B4GALT6: variants seen among roughly 807,000 people sequenced by gnomAD.
B4GALT6 encodes the protein beta-1,4-galactosyltransferase 6, also known as UDP-Gal:beta-GlcNAc beta-1,4-galactosyltransferase 6.
A neutral mutation model predicts 46.3 loss-of-function variants in B4GALT6; 14 were observed. That is an observed-to-expected ratio of 0.30 (90% confidence interval 0.20 to 0.47). B4GALT6 has a LOEUF of 0.47. Ranked by LOEUF, B4GALT6 falls within the 20% of genes least tolerant of loss-of-function variation. The pLI is 0.99. For synonymous variants in B4GALT6, 168 were observed against 162.0 expected (o/e 1.04, Z -0.28); for missense variants, 386 against 480.1 (o/e 0.80, Z 1.83).
the B4GALT6 span, among the ~76,000 whole-genome samples, chr18:31,709,231 T>C: frequency 9.9e-4 from 142 of 143,896 alleles, no homozygotes; most frequent in African/African-American, 3.5e-3. Context: ...AATTTATGTA[T>C]TTTTTTTTTA....
At chr18:31,649,967 T>C (rs1054622253) in intron 3 of B4GALT6, among the ~76,000 whole-genome samples, 3 of 152,244 alleles carry the variant, frequency 2.0e-5, no homozygotes, top group Non-Finnish European at 2.9e-5. Flanking sequence ...ATTATGTTCA[T>C]TGCAGCAATA....
At chr18:31,682,469 T>C (rs1479714842) in intron 1 of B4GALT6, among the ~76,000 whole-genome samples, 1 of 152,202 alleles carries the variant, frequency 6.6e-6, no homozygotes, top group Non-Finnish European at 1.5e-5. Context: ...TCTAATTGCC[T>C]ACAAGACACG....
At chr18:31,694,168 A>G in the B4GALT6 span, among the ~76,000 whole-genome samples, 1 of 152,248 alleles carries the variant, frequency 6.6e-6, no homozygotes, top group Non-Finnish European at 1.5e-5. Flanking sequence ...AATATTTACA[A>G]TCACGACCAA....
chr18:31,701,703 G>T, the B4GALT6 span, among the ~76,000 whole-genome samples: 7 of 152,148 alleles, frequency 4.6e-5, no homozygotes, highest in Admixed American at 6.5e-5. Context: ...ATTGTCTCAG[G>T]ATGGGGAAGG....
chr18:31,717,885 C>T, the B4GALT6 span, among the ~76,000 whole-genome samples: 6 of 142,520 alleles, frequency 4.2e-5, no homozygotes, highest in South Asian at 2.2e-4. Flanking sequence ...ACCCGGGAGG[C>T]GGAGGTTGTG....
At chr18:31,628,052 A>AG (rs1239313463) in intron 6 of B4GALT6, among the ~76,000 whole-genome samples, 1 of 152,252 alleles carries the variant, frequency 6.6e-6, no homozygotes, top group Non-Finnish European at 1.5e-5. Flanking sequence ...CATTCTGAGA[A>AG]GGACGTGCTG....
the B4GALT6 span, among the ~76,000 whole-genome samples, chr18:31,699,136 A>G: frequency 6.6e-6 from 1 of 152,072 alleles, no homozygotes; most frequent in Non-Finnish European, 1.5e-5. Flanking sequence ...TTAACGGCTC[A>G]GACTTCTCTA....
chr18:31,659,451 A>G lies in B4GALT6; in HGVS notation c.233-1362T>C, dbSNP rs576101783. Among the ~76,000 whole-genome samples the G allele has an allele frequency of 7.2e-5, 11 of 152,336 alleles. No homozygotes were observed. The East Asian group carries it at 1.9e-3, about 27-fold the overall frequency. ...GCCACCTGCAAGACTGCTGAATGAA[A>G]GAGGCCCTGCCACGGCTGCTAAGCA... On this transcript the variant is annotated intron_variant, in intron 2 of 8. Coordinates refer to ENST00000306851, the MANE Select transcript of B4GALT6 (RefSeq NM_004775.5).
intron 5 of B4GALT6, among the ~76,000 whole-genome samples, chr18:31,634,906 C>T (rs1034345526): frequency 6.6e-6 from 1 of 152,188 alleles, no homozygotes; most frequent in Non-Finnish European, 1.5e-5. Context: ...TGTTTCATCA[C>T]ATACACCAAA....
At chr18:31,672,035 C>A (rs1156564555) in intron 1 of B4GALT6, among the ~76,000 whole-genome samples, 1 of 152,256 alleles carries the variant, frequency 6.6e-6, no homozygotes, top group East Asian at 1.9e-4. Context: ...AGGGACACAT[C>A]TGCTATAAAA....
the B4GALT6 span, among the ~76,000 whole-genome samples, chr18:31,714,437 C>A: frequency 1.4e-4 from 21 of 152,268 alleles, no homozygotes; most frequent in African/African-American, 5.1e-4. Context: ...CCCACCTACT[C>A]CCCTGGGGCC....
intron 2 of B4GALT6, among the ~76,000 whole-genome samples, chr18:31,660,547 A>C (rs1319931609): frequency 6.6e-6 from 1 of 152,016 alleles, no homozygotes; most frequent in Non-Finnish European, 1.5e-5. Flanking sequence ...TGAGGGAGAC[A>C]GTAACAGTAA....
At chr18:31,655,283 TGCCACCATG>T (rs1345429087) in intron 3 of B4GALT6, among the ~76,000 whole-genome samples, 1 of 152,218 alleles carries the variant, frequency 6.6e-6, no homozygotes, top group Non-Finnish European at 1.5e-5. Context: ...CAAATCACCT[TGCCACCATG>T]GCCACCACGG....
intron 6 of B4GALT6, 22 bp from the exon 7 acceptor site, chr18:31,627,143 T>G: frequency 6.4e-7 from 1 of 1,566,934 alleles, no homozygotes; most frequent in Non-Finnish European, 8.6e-7. Context: ...AGACACAGTA[T>G]TCTAAAAATA....
At chr18:31,650,825 G>A (rs1431291675) in intron 3 of B4GALT6, among the ~76,000 whole-genome samples, 1 of 152,182 alleles carries the variant, frequency 6.6e-6, no homozygotes, top group Non-Finnish European at 1.5e-5. Context: ...CTGGAGTGCA[G>A]TGGCGCCATC....
chr18:31,661,482 TAAAAC>T (rs1483272186), intron 2 of B4GALT6, among the ~76,000 whole-genome samples: 1 of 152,156 alleles, frequency 6.6e-6, no homozygotes, highest in Non-Finnish European at 1.5e-5. Flanking sequence ...AATGAGCAGT[TAAAAC>T]AATAAATATT....
intron 1 of B4GALT6, among the ~76,000 whole-genome samples, chr18:31,674,252 G>A (rs1387192406): frequency 6.6e-6 from 1 of 152,150 alleles, no homozygotes; most frequent in Admixed American, 6.5e-5. Flanking sequence ...TAAAAACTCA[G>A]GATTCAAGCA....
chr18:31,672,094 C>G (rs1294747713), intron 1 of B4GALT6, among the ~76,000 whole-genome samples: 2 of 152,190 alleles, frequency 1.3e-5, no homozygotes, highest in African/African-American at 4.8e-5. Flanking sequence ...ACTAACAGTG[C>G]TGTAAGGATT....
chr18:31,637,213 G>T (rs2073870388), intron 5 of B4GALT6, among the ~76,000 whole-genome samples: 1 of 152,208 alleles, frequency 6.6e-6, no homozygotes, highest in African/African-American at 2.4e-5. Context: ...CTATGTTAAA[G>T]AATTATGATT....
Sources: gnomAD v4.1 joint callset for allele counts (sites outside exome capture counted in the v4.1 genomes callset) on GRCh38, gnomAD v4.1.1 for gene constraint, MANE v1.5 for transcripts, NCBI Gene and HGNC (gene_info 2026-07-23, HGNC 2026-07-21) for gene names.